MYT1L: variants seen among roughly 807,000 people sequenced by gnomAD.
MYT1L encodes myelin transcription factor 1 like, also known as myelin transcription factor 1-like protein.
Under a neutral mutation model 126.7 loss-of-function variants are expected in MYT1L, and 12 were observed. The observed-to-expected ratio is 0.09, with a 90% CI of 0.06 to 0.15. The LOEUF (loss-of-function observed/expected upper bound fraction) is 0.15, where lower values mean the gene tolerates loss of function less well. Among genes scored for constraint, MYT1L ranks in the 10% least tolerant of loss-of-function variants. The pLI is 1.00. For missense variants in MYT1L, 979 were observed against 1,585.2 expected (o/e 0.62, Z 6.49); for synonymous variants, 541 against 604.2 (o/e 0.90, Z 1.53).
At chr2:2,231,290 G>A (rs536885853) in intron 2 of MYT1L, among the ~76,000 whole-genome samples, 16 of 152,208 alleles carry the variant, frequency 1.1e-4, no homozygotes, top group East Asian at 5.8e-4. Flanking sequence ...TTCATTTTCC[G>A]TCTGTCTGTC....
At chr2:1,830,821 TGCTG>T (rs2040057850) in intron 21 of MYT1L, among the ~76,000 whole-genome samples, 1 of 149,694 alleles carries the variant, frequency 6.7e-6, no homozygotes, top group African/African-American at 2.5e-5. Context: ...TGTCCTCGCC[TGCTG>T]GCTGGCTGCG....
At chr2:1,955,009 G>A (rs1225927296) in intron 8 of MYT1L, among the ~76,000 whole-genome samples, 6 of 151,858 alleles carry the variant, frequency 4.0e-5, no homozygotes, top group Non-Finnish European at 7.4e-5. Flanking sequence ...AAAGTTAGCC[G>A]GGCGTCGTGG....
intron 2 of MYT1L, among the ~76,000 whole-genome samples, chr2:2,180,774 T>C (rs969876373): frequency 2.1e-5 from 3 of 145,746 alleles, no homozygotes; most frequent in South Asian, 2.2e-4. Context: ...GTACCTGTAT[T>C]TGTACCTGTG....
intron 3 of MYT1L, among the ~76,000 whole-genome samples, chr2:2,155,606 A>T (rs1334597516): frequency 2.0e-5 from 3 of 152,088 alleles, no homozygotes; most frequent in Non-Finnish European, 4.4e-5. Flanking sequence ...TAAAACCCTC[A>T]ATCTCCCCAT....
chr2:2,074,829 T>C (rs2075037010), intron 3 of MYT1L, among the ~76,000 whole-genome samples: 1 of 152,204 alleles, frequency 6.6e-6, no homozygotes, highest in Non-Finnish European at 1.5e-5. Context: ...AGGGGTTTGT[T>C]CAGGACATTT....
intron 2 of MYT1L, among the ~76,000 whole-genome samples, chr2:2,249,611 A>G (rs2149206471): frequency 6.6e-6 from 1 of 152,212 alleles, no homozygotes; most frequent in African/African-American, 2.4e-5. Context: ...CAGGACATTG[A>G]TCTGGGCAGA....
At chr2:1,877,104 C>T (rs962077670) in intron 18 of MYT1L, among the ~76,000 whole-genome samples, 1 of 152,188 alleles carries the variant, frequency 6.6e-6, no homozygotes, top group Non-Finnish European at 1.5e-5. Flanking sequence ...CTAAGCTCTG[C>T]CTATCATCAC....
chr2:2,198,005 A>G (rs1309763980), intron 2 of MYT1L, among the ~76,000 whole-genome samples: 4 of 151,900 alleles, frequency 2.6e-5, no homozygotes, highest in African/African-American at 9.7e-5. Flanking sequence ...ATGCACACAC[A>G]TACACAATGA....
chr2:1,893,095 C>T (rs1015761329), intron 14 of MYT1L, among the ~76,000 whole-genome samples: 1 of 152,182 alleles, frequency 6.6e-6, no homozygotes, highest in Admixed American at 6.5e-5. Context: ...CTCACTGACA[C>T]GATTCCCACT....
chr2:2,283,115 A>G (rs2095473164), intron 2 of MYT1L, among the ~76,000 whole-genome samples: 1 of 152,182 alleles, frequency 6.6e-6, no homozygotes, highest in Admixed American at 6.5e-5. Flanking sequence ...AAAGATACAT[A>G]CGATGCATAA....
intron 18 of MYT1L, among the ~76,000 whole-genome samples, chr2:1,878,134 T>G (rs1040152373): frequency 6.6e-6 from 1 of 152,260 alleles, no homozygotes; most frequent in Non-Finnish European, 1.5e-5. Context: ...TGCATGGTTT[T>G]TCACAATAGT....
intron 3 of MYT1L, among the ~76,000 whole-genome samples, chr2:2,057,388 T>C (rs905615612): frequency 5.3e-5 from 8 of 151,858 alleles, no homozygotes; most frequent in African/African-American, 1.7e-4. Context: ...CCTTTCCCTT[T>C]CATAGCCACA....
intron 3 of MYT1L, among the ~76,000 whole-genome samples, chr2:2,148,489 G>A (rs1020411572): frequency 4.6e-5 from 7 of 152,266 alleles, no homozygotes; most frequent in South Asian, 4.2e-4. Context: ...AACAGGCCAC[G>A]GATAGGTAGT....
At chr2:2,179,975 C>G (rs964568) in intron 2 of MYT1L, among the ~76,000 whole-genome samples, 17,419 of 152,178 alleles carry the variant, frequency 0.11, 1,032 homozygotes, top group African/African-American at 0.16. Context: ...TCTGAATGAT[C>G]AATGAGGTCA....
chr2:1,954,043 A>G (rs145502438), intron 8 of MYT1L, among the ~76,000 whole-genome samples: 1 of 152,308 alleles, frequency 6.6e-6, no homozygotes, highest in East Asian at 1.9e-4. Flanking sequence ...GACTCTACTT[A>G]CTAGTGCAAC....
chr2:1,865,583 T>C (rs949027308), intron 18 of MYT1L, among the ~76,000 whole-genome samples: 2 of 151,972 alleles, frequency 1.3e-5, no homozygotes, highest in Non-Finnish European at 2.9e-5. Flanking sequence ...TCCCCCTCCT[T>C]GTTTTTTTTC....
At chr2:1,998,469 C>T (rs1280413132) in intron 4 of MYT1L, among the ~76,000 whole-genome samples, 1 of 152,156 alleles carries the variant, frequency 6.6e-6, no homozygotes, top group African/African-American at 2.4e-5. Flanking sequence ...GAAACTAACC[C>T]ACCTTGTCCA....
intron 2 of MYT1L, among the ~76,000 whole-genome samples, chr2:2,222,410 T>G (rs1369526446): frequency 1.4e-5 from 1 of 70,522 alleles, no homozygotes; most frequent in Non-Finnish European, 3.3e-5. Flanking sequence ...GAGAATCACT[T>G]GAACCTGGGA....
intron 8 of MYT1L, among the ~76,000 whole-genome samples, chr2:1,976,413 G>A (rs561369797): frequency 6.6e-5 from 10 of 152,326 alleles, no homozygotes; most frequent in East Asian, 1.9e-4. Context: ...AGGCCGAGGC[G>A]GGCGGATCAC....
Sources: allele counts gnomAD v4.1 joint callset (sites outside exome capture counted in the v4.1 genomes callset), GRCh38; gene constraint gnomAD v4.1.1; transcripts MANE v1.5; gene names NCBI Gene and HGNC (gene_info 2026-07-23, HGNC 2026-07-21).